Variants in CCDC88C observed in about 807,000 individuals in gnomAD.
CCDC88C encodes the protein coiled-coil and HOOK domain protein 88C.
CCDC88C carries 131 observed loss-of-function variants against 198.8 expected under a neutral mutation model. The observed-to-expected ratio is 0.66, with a 90% CI of 0.57 to 0.76. The LOEUF (loss-of-function observed/expected upper bound fraction) is 0.76. CCDC88C is among the 30% of genes least tolerant of loss of function. CCDC88C has a pLI of 0.00. For missense variants in CCDC88C, 2,553 were observed against 2,631.6 expected (o/e 0.97, Z 0.65); for synonymous variants, 1,166 against 1,114.7 (o/e 1.05, Z -0.92).
At position 91,288,151 on chromosome 14, in the gene CCDC88C, G is replaced by A. The variant is rs185962310; in HGVS notation, c.4441+954C>T. On this transcript the variant is annotated intron_variant, in intron 25 of 29. Transcript: ENST00000389857. The surrounding 1 kb of genome is among the most constrained non-coding windows in gnomAD (Gnocchi z 4.2). The stretch of plus-strand genomic sequence containing the variant: ...AACAAGAGCGTAAGAAAAATTCGAA[G>A]TGGTGGCCCTGTACCGTTTGATTGC... Among the ~76,000 whole-genome samples, 106 of 152,344 alleles carry A rather than the reference G, an allele frequency of 7.0e-4. 1 individual carries two copies. Among genetic ancestry groups the A allele is most frequent in the African/African-American group, 2.4e-3 (100 of 41,580 alleles).
intron 5 of CCDC88C, 113 bp downstream of exon 5, chr14:91,343,486 T>C (rs1893391534): frequency 1.3e-5 from 19 of 1,506,024 alleles, no homozygotes; most frequent in South Asian, 5.1e-5. Flanking sequence ...TTCTGTCATA[T>C]TGGACTGAAA....
intron 25 of CCDC88C, among the ~76,000 whole-genome samples, chr14:91,287,920 T>C (rs1399321964): frequency 1.3e-5 from 2 of 152,102 alleles, no homozygotes; most frequent in Non-Finnish European, 2.9e-5. Flanking sequence ...AATTTAACAA[T>C]GTGTAAGGTA....
intron 13 of CCDC88C, among the ~76,000 whole-genome samples, chr14:91,320,401 C>G (rs1027310020): frequency 4.6e-5 from 7 of 152,240 alleles, no homozygotes; most frequent in African/African-American, 1.7e-4. Flanking sequence ...GCTGGAGGGG[C>G]ACCCGCAGAG....
intron 25 of CCDC88C, among the ~76,000 whole-genome samples, chr14:91,286,963 A>T (rs772660016): frequency 1.6e-4 from 25 of 152,232 alleles, no homozygotes; most frequent in Non-Finnish European, 3.1e-4. Context: ...AAGTAGTTAG[A>T]GGGTGCTGGG....
At chr14:91,369,470 T>G (rs1392605861) in intron 3 of CCDC88C, among the ~76,000 whole-genome samples, 1 of 152,222 alleles carries the variant, frequency 6.6e-6, no homozygotes, top group Non-Finnish European at 1.5e-5. Flanking sequence ...CCTCCCAAAG[T>G]GCTGGGATCA....
chr14:91,284,737 G>A lies in CCDC88C; in HGVS notation c.4442-1220C>T, dbSNP rs1480557097. Among the ~76,000 whole-genome samples, 1 of 152,180 alleles carries A rather than the reference G, an allele frequency of 6.6e-6. No homozygotes were observed. The highest frequency in any genetic ancestry group is 1.5e-5 in the Non-Finnish European group (1 of 68,034). On this transcript the variant is annotated intron_variant, in intron 25 of 29. Transcript: ENST00000389857. The surrounding 1 kb of genome is among the most constrained non-coding windows in gnomAD (Gnocchi z 4.1). ...ATTCTTATGATTACCTTGTTTTTAT[G>A]ATGATATGTGTGTTTTCCACTTACA...
At chr14:91,347,091 C>T (rs1229476428) in intron 4 of CCDC88C, among the ~76,000 whole-genome samples, 1 of 152,142 alleles carries the variant, frequency 6.6e-6, no homozygotes, top group African/African-American at 2.4e-5. Context: ...TCCCAGCCGT[C>T]ACTGGCTTGT....
intron 15 of CCDC88C, 116 bp downstream of exon 15, chr14:91,312,964 T>C (rs1891902758): frequency 2.6e-6 from 2 of 764,048 alleles, no homozygotes; most frequent in Admixed American, 3.0e-5. Flanking sequence ...TGTTTAGAAT[T>C]AGATAAAGCA....
chr14:91,299,652 C>T (rs2139771434), intron 21 of CCDC88C, among the ~76,000 whole-genome samples: 1 of 152,338 alleles, frequency 6.6e-6, no homozygotes, highest in Admixed American at 6.5e-5. Flanking sequence ...ATGATGAATT[C>T]ACCTGTGCCT....
intron 23 of CCDC88C, among the ~76,000 whole-genome samples, chr14:91,292,844 T>A (rs2139750617): frequency 6.6e-6 from 1 of 152,294 alleles, no homozygotes; most frequent in Non-Finnish European, 1.5e-5. Flanking sequence ...CCTTGCCTTC[T>A]ATTTCTGGAA....
intron 3 of CCDC88C, among the ~76,000 whole-genome samples, chr14:91,398,532 C>T (rs560323759): frequency 1.3e-5 from 2 of 152,230 alleles, no homozygotes; most frequent in African/African-American, 4.8e-5. Context: ...TGGTGCACAC[C>T]TGTAGTCCCA....
intron 13 of CCDC88C, among the ~76,000 whole-genome samples, chr14:91,319,590 G>C (rs769768181): frequency 1.3e-5 from 2 of 152,290 alleles, no homozygotes; most frequent in East Asian, 3.9e-4. Flanking sequence ...TCTGGTATTC[G>C]GTACCTTACT....
At chr14:91,391,261 A>AC (rs1021775278) in intron 3 of CCDC88C, among the ~76,000 whole-genome samples, 11 of 152,070 alleles carry the variant, frequency 7.2e-5, no homozygotes, top group African/African-American at 1.2e-4. Flanking sequence ...ACAAAACAAA[A>AC]AAAAAAACCC....
At chr14:91,416,873 A>G in intron 1 of CCDC88C, 35 bp from the exon 2 acceptor site, 1 of 1,483,676 alleles carries the variant, frequency 6.7e-7, no homozygotes, top group Non-Finnish European at 9.4e-7. Context: ...AAAGACAGGA[A>G]GTCACCCCGT....
intron 2 of CCDC88C, among the ~76,000 whole-genome samples, chr14:91,416,069 G>A (rs1209313855): frequency 6.6e-6 from 1 of 152,220 alleles, no homozygotes; most frequent in South Asian, 2.1e-4. Context: ...GTTGTGGCAA[G>A]CTGTCAATCA....
chr14:91,299,023 C>CA (rs1286376959), intron 21 of CCDC88C, among the ~76,000 whole-genome samples: 3 of 152,208 alleles, frequency 2.0e-5, no homozygotes, highest in African/African-American at 7.2e-5. Context: ...GTGGTAGTCA[C>CA]ATTCTATAAA....
At chr14:91,277,250 G>C (rs182059922) in intron 29 of CCDC88C, among the ~76,000 whole-genome samples, 8 of 152,304 alleles carry the variant, frequency 5.3e-5, no homozygotes, top group Admixed American at 1.3e-4. Flanking sequence ...CCTGGACTCA[G>C]GTGATCTGCC....
chr14:91,386,277 C>A, intron 3 of CCDC88C, among the ~76,000 whole-genome samples: 1 of 124,890 alleles, frequency 8.0e-6, no homozygotes, highest in African/African-American at 2.9e-5. Flanking sequence ...AACCCTGTCT[C>A]TACTAAAAAT....
At chr14:91,303,584 G>GC in intron 20 of CCDC88C, 117 bp downstream of exon 20, 1 of 1,082,288 alleles carries the variant, frequency 9.2e-7, no homozygotes, top group Non-Finnish European at 1.3e-6. Context: ...TCTTCCCCAG[G>GC]CCCTGCCTCT....
Sources: allele counts gnomAD v4.1 joint callset (sites outside exome capture counted in the v4.1 genomes callset), GRCh38; gene constraint gnomAD v4.1.1; non-coding constraint Gnocchi (gnomAD v3.1); transcripts MANE v1.5; gene names NCBI Gene and HGNC (gene_info 2026-07-23, HGNC 2026-07-21).